PCDHA2: variants seen among roughly 807,000 people sequenced by gnomAD.
PCDHA2 encodes protocadherin alpha-2.
A neutral mutation model predicts 66.0 loss-of-function variants in PCDHA2; 58 were observed. That is an observed-to-expected ratio of 0.88 (90% CI 0.71 to 1.09). The LOEUF (loss-of-function observed/expected upper bound fraction) is 1.09, where lower values mean the gene tolerates loss of function less well. PCDHA2 is among the 50% of genes least tolerant of loss of function. The probability of loss-of-function intolerance (pLI) is 0.00; values close to 1 mark genes in which losing one functional copy is unlikely to be tolerated. For missense variants in PCDHA2, 1,267 were observed against 1,242.3 expected, an observed-to-expected ratio of 1.02 and a Z score of -0.30; for synonymous variants, 634 against 554.0, an observed-to-expected ratio of 1.14 and a Z score of -2.03.
chr5:140,871,643 C>G (rs1432039358), intron 1 of PCDHA2: 1 of 1,293,296 alleles, frequency 7.7e-7, no homozygotes, highest in Admixed American at 2.9e-5. Flanking sequence ...TCATAAAATA[C>G]CAAATGATAC....
rs1554140693 is a variant in PCDHA2, at chr5:140,844,620, C to G, written c.2388+47268C>G. On this transcript the variant is annotated intron_variant, in intron 1 of 3. Coordinates refer to ENST00000526136, the MANE Select transcript of PCDHA2 (RefSeq NM_018905.3). Reference sequence around the variant, plus strand: ...ATATGACTTAGAAAAATGTTTTCATCAGAAAAACTATACATGATAATTTCA... The same window carrying G: ...ATATGACTTAGAAAAATGTTTTCATGAGAAAAACTATACATGATAATTTCA... Among the ~76,000 whole-genome samples, 3 of 149,238 alleles carry G rather than the reference C, an allele frequency of 2.0e-5. 1 individual carries two copies. Among genetic ancestry groups the G allele is most frequent in the Non-Finnish European group, 3.0e-5 (2 of 66,778 alleles).
intron 1 of PCDHA2, among the ~76,000 whole-genome samples, chr5:140,941,599 G>A (rs1017713166): frequency 3.3e-5 from 5 of 152,116 alleles, no homozygotes; most frequent in African/African-American, 1.2e-4. Flanking sequence ...ACAGCCATGA[G>A]CCATGGTGCC....
Position 140,796,472 on chromosome 5 carries a change from C to G in PCDHA2, c.1508C>G (p.Ala503Gly). ...GTGGAGCGGCGGGTGGGCGAGCGCG[C>G]GTTGTCGAGCTACGTTTCGGTGCAC... is the stretch of plus-strand genomic sequence containing the variant. ...SLVERRVGER[A>G]LSSYVSVHAE... Residue 503 changes from alanine to glycine, a missense_variant, in exon 1 of 4, where the codon GCG becomes GGG. By Grantham distance (60) the Ala-to-Gly change is moderately conservative. Transcript: ENST00000526136. The G allele has an allele frequency of 6.2e-7, 1 of 1,612,142 alleles. No individual in the cohort carries two copies. Among genetic ancestry groups the G allele is most frequent in the Non-Finnish European group, 8.5e-7 (1 of 1,179,806 alleles).
chr5:140,869,962 A>C (rs1554163660), intron 1 of PCDHA2: 4 of 1,612,950 alleles, frequency 2.5e-6, no homozygotes, highest in Middle Eastern at 1.6e-4. Flanking sequence ...AATTAAGCCC[A>C]ATGGAAGACA....
At chr5:140,903,061 C>T (rs2069972197) in intron 1 of PCDHA2, among the ~76,000 whole-genome samples, 1 of 152,052 alleles carries the variant, frequency 6.6e-6, no homozygotes, top group African/African-American at 2.4e-5. Context: ...GACTTCTTTT[C>T]CTTTGGGTAG....
intron 1 of PCDHA2, among the ~76,000 whole-genome samples, chr5:140,838,091 T>C (rs1775528096): frequency 7.2e-6 from 1 of 139,480 alleles, no homozygotes; most frequent in East Asian, 2.0e-4. Context: ...TGTGTGTGTG[T>C]GTGTGTGTGT....
intron 1 of PCDHA2, chr5:140,853,614 A>G (rs1477333407): frequency 1.0e-6 from 1 of 988,026 alleles, no homozygotes; most frequent in Non-Finnish European, 1.2e-6. Flanking sequence ...GGGTGCTGTA[A>G]ATAAGTATAC....
rs2150362585 is a variant in PCDHA2 at position 140,843,552 on chromosome 5, C to A, written c.2388+46200C>A. 3 of 1,595,800 alleles carry A rather than the reference C, an allele frequency of 1.9e-6. 1 individual carries two copies. The highest frequency in any genetic ancestry group is 4.5e-5 in the East Asian group (2 of 44,828). On this transcript the variant is annotated intron_variant, in intron 1 of 3. Coordinates refer to ENST00000526136, the MANE Select transcript of PCDHA2 (RefSeq NM_018905.3). ...AAGCCCACTCTGGTGTGCTCCAGTGCGGTGGGGAGCTGGTCATACTCGCAA... is the reference window on the plus strand; with the variant it reads ...AAGCCCACTCTGGTGTGCTCCAGTGAGGTGGGGAGCTGGTCATACTCGCAA...
chr5:140,946,199 A>G (rs1300104764), intron 1 of PCDHA2, among the ~76,000 whole-genome samples: 10 of 151,964 alleles, frequency 6.6e-5, no homozygotes, highest in Admixed American at 5.2e-4. Context: ...CTCAAAAGAA[A>G]GCACACAAAT....
rs145951382 is a variant in PCDHA2 at position 140,795,230 on chromosome 5, G to T, written c.266G>T (p.Arg89Leu). The T allele has an allele frequency of 6.2e-7, 1 of 1,614,234 alleles. No individual in the cohort carries two copies. The highest frequency in any genetic ancestry group is 1.1e-5 in the South Asian group (1 of 91,088). ...LQNGILFVNSRIDREELCGRS... is the reference protein window; with the variant it reads ...LQNGILFVNSLIDREELCGRS... ...AATGGCATTTTGTTTGTGAATTCTC[G>T]GATCGACCGGGAGGAGCTGTGCGGG... The change falls in exon 1 of 4, where the codon CGG becomes CTG. Residue 89 changes from arginine (R) to leucine (L), a missense_variant. Arg to Leu is a moderately radical substitution (Grantham distance 102, BLOSUM62 -2). Coordinates refer to ENST00000526136, the MANE Select transcript of PCDHA2 (RefSeq NM_018905.3).
intron 1 of PCDHA2, among the ~76,000 whole-genome samples, chr5:140,963,325 C>T (rs1156299692): frequency 2.0e-5 from 3 of 152,156 alleles, no homozygotes; most frequent in Non-Finnish European, 4.4e-5. Flanking sequence ...ATTAGAATTA[C>T]ACAGATAAAT....
intron 1 of PCDHA2, among the ~76,000 whole-genome samples, chr5:140,909,861 A>C (rs782745985): frequency 6.6e-6 from 1 of 152,186 alleles, no homozygotes. Context: ...GGTCCCCTGG[A>C]GTCAACGTCA....
chr5:140,813,491 A>G (rs1443596304), intron 1 of PCDHA2: 1 of 152,210 alleles, frequency 6.6e-6, no homozygotes, highest in African/African-American at 2.4e-5. Context: ...CTAAACATCT[A>G]AAAGGTACAG....
intron 1 of PCDHA2, among the ~76,000 whole-genome samples, chr5:140,939,081 G>A (rs547616686): frequency 1.3e-5 from 2 of 152,222 alleles, no homozygotes; most frequent in African/African-American, 2.4e-5. Context: ...GCATAAACTG[G>A]GTGGCTTAAA....
intron 1 of PCDHA2, among the ~76,000 whole-genome samples, chr5:140,874,947 T>C (rs2055188699): frequency 6.6e-6 from 1 of 152,240 alleles, no homozygotes; most frequent in African/African-American, 2.4e-5. Flanking sequence ...AACAGCGGAA[T>C]TGTAAGCTAT....
intron 1 of PCDHA2, among the ~76,000 whole-genome samples, chr5:140,971,325 T>C (rs1273585971): frequency 3.9e-5 from 6 of 152,190 alleles, no homozygotes; most frequent in African/African-American, 1.4e-4. Context: ...AGGGAGAAAA[T>C]TATTTCAGAA....
intron 1 of PCDHA2, chr5:140,809,078 A>G: frequency 6.2e-7 from 1 of 1,613,922 alleles, no homozygotes; most frequent in South Asian, 1.1e-5. Context: ...CACTGGCGAG[A>G]TCAGCACAAC....
At chr5:140,869,695 A>G (rs2051335232) in intron 1 of PCDHA2, 1 of 1,613,342 alleles carries the variant, frequency 6.2e-7, no homozygotes, top group African/African-American at 1.3e-5. Context: ...TATTTTAAAG[A>G]AGTCTCTGGA....
intron 1 of PCDHA2, among the ~76,000 whole-genome samples, chr5:140,891,988 A>T (rs1213568167): frequency 6.6e-6 from 1 of 152,216 alleles, no homozygotes. Flanking sequence ...TAAATTACTC[A>T]GTCTGTGGCA....
Sources: gnomAD v4.1 joint callset for allele counts (sites outside exome capture counted in the v4.1 genomes callset) on GRCh38, gnomAD v4.1.1 for gene constraint, MANE v1.5 for transcripts, NCBI Gene and HGNC (gene_info 2026-07-23, HGNC 2026-07-21) for gene names.